RAP1B: variants seen among roughly 807,000 people sequenced by gnomAD.
RAP1B encodes RAP1B, member of RAS oncogene family.
Under a neutral mutation model 27.5 loss-of-function variants are expected in RAP1B, and 1 was observed. That is an observed-to-expected ratio of 0.04 (90% confidence interval 0.01 to 0.17). The LOEUF is 0.17. Among genes scored for constraint, RAP1B ranks in the 10% least tolerant of loss-of-function variants. The pLI is 1.00. For missense variants in RAP1B, 84 were observed against 214.8 expected (o/e 0.39, Z 3.81); for synonymous variants, 75 against 73.1 (o/e 1.03, Z -0.13).
At position 68,631,841 on chromosome 12, in the gene RAP1B, G is replaced by T. The variant is rs188831614; in HGVS notation, c.-26-16858G>T. Reference sequence around the variant, plus strand: ...AAAATTGTAAGCTTTTTGAGAGCAGGTATGTTTTGTCCATCTTTCAGAATA... The same window carrying T: ...AAAATTGTAAGCTTTTTGAGAGCAGTTATGTTTTGTCCATCTTTCAGAATA... On this transcript the variant is annotated intron_variant, in intron 1 of 7. Transcript: ENST00000250559. Among the ~76,000 whole-genome samples the T allele has an allele frequency of 2.6e-5, 4 of 152,156 alleles. No individual in the cohort carries two copies. In the East Asian group the frequency reaches 7.7e-4, roughly 29 times the overall value.
chr12:68,666,981 A>G lies in RAP1B; in HGVS notation c.*7732A>G, dbSNP rs1874881186. The G allele has an allele frequency of 6.6e-6, 1 of 152,210 alleles. No individual in the cohort carries two copies. The highest frequency in any genetic ancestry group is 2.4e-5 in the African/African-American group (1 of 41,450). 9.4% of individuals were successfully genotyped at this position (152,210 alleles called of 1,614,324 possible). A position where few individuals can be genotyped will look rare whatever the true frequency, so the allele number is the denominator to read the frequency against. ...CTAGTTCTACAGTTCCAGAAGCAAC[A>G]TACTGGGTATGGAATATTGTTAACC... On this transcript the variant is annotated 3_prime_UTR_variant, in exon 8 of 8. Coordinates refer to ENST00000250559, the MANE Select transcript of RAP1B (RefSeq NM_001010942.3).
chr12:68,627,400 A>G, intron 1 of RAP1B: 1 of 576,486 alleles, frequency 1.7e-6, no homozygotes. Context: ...AAACACACAA[A>G]TATACCCAAT....
rs778867497 is a variant in RAP1B, at chr12:68,657,050, G to C, written c.469-51G>C. 30 of 1,410,276 alleles carry C rather than the reference G, an allele frequency of 2.1e-5. No homozygotes were observed. In the South Asian group the frequency reaches 2.8e-4, roughly 13 times the overall value. The allele number at this position is 1,410,276 out of a possible 1,614,324, so 87.4% of individuals were successfully genotyped here. A position where few individuals can be genotyped will look rare whatever the true frequency, so the allele number is the denominator to read the frequency against. On this transcript the variant is annotated intron_variant, in intron 6 of 7. Coordinates refer to ENST00000250559, the MANE Select transcript of RAP1B (RefSeq NM_001010942.3). Reference sequence around the variant, plus strand: ...TTTTTTCAATTTACTTTTTTCATTGGGGGGGATAGGTGTTCCTCCTGTAAA... The same window carrying C: ...TTTTTTCAATTTACTTTTTTCATTGCGGGGGATAGGTGTTCCTCCTGTAAA...
At chr12:68,656,885 G>A (rs989425661) in intron 6 of RAP1B, among the ~76,000 whole-genome samples, 2 of 152,112 alleles carry the variant, frequency 1.3e-5, no homozygotes, top group Non-Finnish European at 2.9e-5. Context: ...GATCTCTGCA[G>A]CTCCTTCAAC....
At chr12:68,622,076 A>AC in intron 1 of RAP1B, among the ~76,000 whole-genome samples, 1 of 152,148 alleles carries the variant, frequency 6.6e-6, no homozygotes, top group Non-Finnish European at 1.5e-5. Flanking sequence ...GGTAACATTG[A>AC]CCTAGGTGAC....
rs950941033 is a variant in RAP1B, at chr12:68,660,866, T to C, written c.*1617T>C. 1 of 152,232 alleles carries C rather than the reference T, an allele frequency of 6.6e-6. No individual in the cohort carries two copies. Among genetic ancestry groups the C allele is most frequent in the Non-Finnish European group, 1.5e-5 (1 of 68,032 alleles). 9.4% of individuals were successfully genotyped at this position (152,232 alleles called of 1,614,324 possible). On this transcript the variant is annotated 3_prime_UTR_variant, in exon 8 of 8. Coordinates refer to ENST00000250559, the MANE Select transcript of RAP1B (RefSeq NM_001010942.3). Reference sequence around the variant, plus strand: ...TAACATACTTTCATGGATGTTACACTATGGATTTTTTAAAATACAGGATTG... The same window carrying C: ...TAACATACTTTCATGGATGTTACACCATGGATTTTTTAAAATACAGGATTG...
chr12:68,638,522 T>C (rs1872777387), intron 1 of RAP1B, among the ~76,000 whole-genome samples: 1 of 152,198 alleles, frequency 6.6e-6, no homozygotes. Flanking sequence ...TTTTAAAATG[T>C]GTATTGTTTT....
chr12:68,653,721 G>A (rs1285439482), intron 4 of RAP1B, among the ~76,000 whole-genome samples: 8 of 152,124 alleles, frequency 5.3e-5, no homozygotes, highest in African/African-American at 1.9e-4. Context: ...AAGGTCAGGA[G>A]ATGGAGATCA....
At chr12:68,617,981 C>T (rs546033981) in intron 1 of RAP1B, among the ~76,000 whole-genome samples, 2 of 150,698 alleles carry the variant, frequency 1.3e-5, no homozygotes, top group South Asian at 4.3e-4. Flanking sequence ...CCATGCTGGT[C>T]TGAACTCCTG....
intron 1 of RAP1B, among the ~76,000 whole-genome samples, chr12:68,627,933 T>C (rs1025592441): frequency 4.0e-5 from 6 of 151,750 alleles, no homozygotes; most frequent in Admixed American, 3.3e-4. Flanking sequence ...AGACCCTGTA[T>C]CTGCAAAAAA....
intron 1 of RAP1B, among the ~76,000 whole-genome samples, chr12:68,645,596 T>C (rs1369734138): frequency 6.6e-6 from 1 of 152,280 alleles, no homozygotes; most frequent in Non-Finnish European, 1.5e-5. Context: ...GCTACAGCTC[T>C]TTCCCAGTCC....
Position 68,662,546 on chromosome 12 carries a change from CGA to C in RAP1B, c.*3298_*3299del, listed in dbSNP as rs1874657632. 6.6e-6 allele frequency: 1 copy of C among 151,254 alleles called. No homozygotes were observed. The highest frequency in any genetic ancestry group is 6.6e-5 in the Admixed American group (1 of 15,160). The allele number at this position is 151,254 out of a possible 1,614,324, so 9.4% of individuals were successfully genotyped here. On this transcript the variant is annotated 3_prime_UTR_variant, in exon 8 of 8. Coordinates refer to ENST00000250559, the MANE Select transcript of RAP1B (RefSeq NM_001010942.3). ...AGTTGTGGGACAGCAAACTTAGAAT[CGA>C]AACTCATCACTACAACTTTTCTTTG...
At chr12:68,631,606 G>A (rs938282518) in intron 1 of RAP1B, among the ~76,000 whole-genome samples, 7 of 151,916 alleles carry the variant, frequency 4.6e-5, no homozygotes, top group Admixed American at 2.0e-4. Flanking sequence ...TGCTTTTTCC[G>A]CTATAGTCTA....
chr12:68,623,975 T>C (rs2956527), intron 1 of RAP1B, among the ~76,000 whole-genome samples: 140,395 of 151,560 alleles, frequency 0.93, 65,182 homozygotes, highest in African/African-American at 0.98. Flanking sequence ...GAGCCGAGAT[T>C]GCGCCATGGC....
chr12:68,619,447 A>C (rs1002239956), intron 1 of RAP1B, among the ~76,000 whole-genome samples: 1 of 152,216 alleles, frequency 6.6e-6, no homozygotes, highest in Non-Finnish European at 1.5e-5. Flanking sequence ...ATAGTATTAT[A>C]AAAATCATAC....
chr12:68,636,205 A>ACT (rs1872621684), intron 1 of RAP1B, among the ~76,000 whole-genome samples: 1 of 152,152 alleles, frequency 6.6e-6, no homozygotes, highest in Non-Finnish European at 1.5e-5. Context: ...GCATATTTTA[A>ACT]GGGACAGAAA....
chr12:68,657,979 T>C (rs1388028043), intron 7 of RAP1B, among the ~76,000 whole-genome samples: 2 of 152,110 alleles, frequency 1.3e-5, no homozygotes, highest in Non-Finnish European at 2.9e-5. Context: ...GTTTGTTACA[T>C]AGGTAAAGGT....
At chr12:68,623,423 A>C (rs1455312458) in intron 1 of RAP1B, among the ~76,000 whole-genome samples, 1 of 152,210 alleles carries the variant, frequency 6.6e-6, no homozygotes, top group Non-Finnish European at 1.5e-5. Context: ...TTGCCCTGGT[A>C]GATGTTTGTA....
intron 1 of RAP1B, among the ~76,000 whole-genome samples, chr12:68,616,835 G>A (rs924392968): frequency 6.6e-6 from 1 of 151,998 alleles, no homozygotes. Context: ...CAAGTGCTGG[G>A]ATTATAGGCA....
Sources: allele counts gnomAD v4.1 joint callset (sites outside exome capture counted in the v4.1 genomes callset), GRCh38; gene constraint gnomAD v4.1.1; transcripts MANE v1.5; gene names NCBI Gene and HGNC (gene_info 2026-07-23, HGNC 2026-07-21).